Variants in CDH13 observed in about 807,000 individuals in gnomAD.
CDH13 encodes cadherin 13, also known as cadherin-13.
In CDH13, 24 loss-of-function variants were observed where a neutral mutation model predicts 63.8. That is an observed-to-expected ratio of 0.38 (90% confidence interval 0.27 to 0.53). The LOEUF (loss-of-function observed/expected upper bound fraction) is 0.53, where lower values mean the gene tolerates loss of function less well. Among genes scored for constraint, CDH13 ranks in the 20% least tolerant of loss-of-function variants. The pLI is 0.85. For missense variants in CDH13, 1,049 were observed against 903.1 expected, an observed-to-expected ratio of 1.16 and a Z score of -2.07; for synonymous variants, 503 against 355.3, an observed-to-expected ratio of 1.42 and a Z score of -4.67.
intron 5 of CDH13, among the ~76,000 whole-genome samples, chr16:83,283,977 T>C (rs1383384024): frequency 6.6e-6 from 1 of 152,170 alleles, no homozygotes; most frequent in Non-Finnish European, 1.5e-5. Flanking sequence ...AATAAATGAA[T>C]GTAAGTGAAT....
chr16:82,797,337 C>T (rs113942059), intron 1 of CDH13, among the ~76,000 whole-genome samples: 3,430 of 152,254 alleles, frequency 0.023, 140 homozygotes, highest in African/African-American at 0.079. Flanking sequence ...GCAAGTACTA[C>T]GGTAGCTGCA....
At chr16:83,117,043 TA>T (rs1172191753) in intron 3 of CDH13, among the ~76,000 whole-genome samples, 1 of 152,250 alleles carries the variant, frequency 6.6e-6, no homozygotes, top group Non-Finnish European at 1.5e-5. Context: ...CTTGTTATCT[TA>T]CGACAGACCT....
intron 10 of CDH13, among the ~76,000 whole-genome samples, chr16:83,687,898 C>T (rs1285221722): frequency 1.3e-5 from 2 of 152,212 alleles, no homozygotes; most frequent in Non-Finnish European, 2.9e-5. Context: ...ATTAGATACT[C>T]ATCTCTTTGA....
chr16:83,145,904 C>T (rs1302656232), intron 4 of CDH13, among the ~76,000 whole-genome samples: 1 of 151,980 alleles, frequency 6.6e-6, no homozygotes. Context: ...GAAAAGAAGC[C>T]AGATTTGTAA....
At chr16:82,764,939 C>T (rs895891195) in intron 1 of CDH13, among the ~76,000 whole-genome samples, 2 of 151,864 alleles carry the variant, frequency 1.3e-5, no homozygotes, top group African/African-American at 4.8e-5. Flanking sequence ...CTCAGCCTCC[C>T]GAGTAGCTGA....
intron 2 of CDH13, among the ~76,000 whole-genome samples, chr16:83,018,077 T>A (rs1209991137): frequency 6.6e-6 from 1 of 152,220 alleles, no homozygotes; most frequent in Non-Finnish European, 1.5e-5. Context: ...GATGGGCCAG[T>A]GAAAAGCCTG....
chr16:83,464,023 C>T (rs535711510), intron 6 of CDH13, among the ~76,000 whole-genome samples: 63 of 152,260 alleles, frequency 4.1e-4, no homozygotes, highest in Non-Finnish European at 7.4e-4. Flanking sequence ...AAAGAAACAT[C>T]AGCCAGATTC....
chr16:82,757,787 G>A (rs371600259), intron 1 of CDH13, among the ~76,000 whole-genome samples: 28 of 152,116 alleles, frequency 1.8e-4, no homozygotes, highest in Admixed American at 7.2e-4. Context: ...GACTATAGGC[G>A]TGTGCCACCA....
At chr16:83,568,512 C>T (rs562754539) in intron 7 of CDH13, among the ~76,000 whole-genome samples, 1 of 152,294 alleles carries the variant, frequency 6.6e-6, no homozygotes, top group Admixed American at 6.5e-5. Flanking sequence ...GCTCAGTTCA[C>T]GTAGTTCAAT....
At chr16:82,672,602 C>T (rs1913384235) in intron 1 of CDH13, among the ~76,000 whole-genome samples, 1 of 152,106 alleles carries the variant, frequency 6.6e-6, no homozygotes, top group Non-Finnish European at 1.5e-5. Flanking sequence ...TTCCCCACAC[C>T]TCTATCTAGG....
Position 83,202,964 on chromosome 16 carries a change from G to A in CDH13, c.484-14381G>A, listed in dbSNP as rs1322177323. Among the ~76,000 whole-genome samples, 9 of 152,278 alleles carry A rather than the reference G, an allele frequency of 5.9e-5. No individual in the cohort carries two copies. The East Asian group carries it at 7.7e-4, about 13-fold the overall frequency. ...TTTGGGGCCAGGTACAGTGGCTCAC[G>A]CCTGTAATCCCAGTACTTTGGGAGG... is the stretch of plus-strand genomic sequence containing the variant. On this transcript the variant is annotated intron_variant, in intron 4 of 13. Coordinates refer to ENST00000567109, the MANE Select transcript of CDH13 (RefSeq NM_001257.5).
intron 3 of CDH13, among the ~76,000 whole-genome samples, chr16:83,063,995 C>T (rs931323427): frequency 6.6e-6 from 1 of 152,022 alleles, no homozygotes; most frequent in Non-Finnish European, 1.5e-5. Flanking sequence ...GATGTCCAAG[C>T]GGAGATGCCA....
At chr16:83,039,996 C>G (rs995930925) in intron 3 of CDH13, among the ~76,000 whole-genome samples, 5 of 151,758 alleles carry the variant, frequency 3.3e-5, no homozygotes, top group African/African-American at 1.2e-4. Context: ...CTGGCTCTCT[C>G]TACTCATAGT....
rs1412782967 is a variant in CDH13 at position 82,842,115 on chromosome 16, TATATATATATATATATATATATACAC to T, written c.46-16219_46-16194del. 2.7e-3 allele frequency among the ~76,000 whole-genome samples: 140 copies of T among 51,782 alleles called. 6 individuals carry two copies. The highest frequency in any genetic ancestry group is 7.8e-3 in the African/African-American group (108 of 13,872). 34.0% of individuals were successfully genotyped at this position (51,782 alleles called of 152,430 possible). ...ACATATATATATATATATATATGTA[TATATATATATATATATATATATACAC>T]ATATATATATATATATATATATACA... On this transcript the variant is annotated intron_variant, in intron 1 of 13. Transcript: ENST00000567109.
intron 4 of CDH13, among the ~76,000 whole-genome samples, chr16:83,140,107 C>G (rs952783048): frequency 1.3e-5 from 2 of 152,216 alleles, no homozygotes; most frequent in African/African-American, 4.8e-5. Context: ...CATAAAGACA[C>G]AGCATCAGGC....
intron 4 of CDH13, among the ~76,000 whole-genome samples, chr16:83,158,335 C>T (rs2037303664): frequency 6.6e-6 from 1 of 152,180 alleles, no homozygotes; most frequent in African/African-American, 2.4e-5. Flanking sequence ...CCTCACTGCA[C>T]TGTGCTGTGC....
Position 82,847,935 on chromosome 16 carries a change from A to T in CDH13, c.46-10427A>T, listed in dbSNP as rs76799926. Among the ~76,000 whole-genome samples, 1,063 of 121,220 alleles carry T rather than the reference A, an allele frequency of 8.8e-3. 8 individuals carry two copies. The highest frequency in any genetic ancestry group is 0.029 in the African/African-American group (964 of 32,830). 79.5% of individuals were successfully genotyped at this position (121,220 alleles called of 152,430 possible). On this transcript the variant is annotated intron_variant, in intron 1 of 13. Coordinates refer to ENST00000567109, the MANE Select transcript of CDH13 (RefSeq NM_001257.5). ...GTACTTCACAGATACTGTATGTTTT[A>T]CAAATTGAAGATTTGTGGTGTTGAA...
At chr16:82,749,619 T>C (rs917422299) in intron 1 of CDH13, among the ~76,000 whole-genome samples, 1 of 152,348 alleles carries the variant, frequency 6.6e-6, no homozygotes, top group South Asian at 2.1e-4. Flanking sequence ...GTTCATGCGA[T>C]TGTTTTAAAT....
chr16:83,512,610 G>A (rs192064391), intron 7 of CDH13, among the ~76,000 whole-genome samples: 559 of 151,008 alleles, frequency 3.7e-3, no homozygotes, highest in Non-Finnish European at 4.7e-3. Context: ...GGAGGTTGCA[G>A]TGAGCTGAGA....
Sources: allele counts gnomAD v4.1 joint callset (sites outside exome capture counted in the v4.1 genomes callset), GRCh38; gene constraint gnomAD v4.1.1; transcripts MANE v1.5; gene names NCBI Gene and HGNC (gene_info 2026-07-23, HGNC 2026-07-21).